RHOF: variants seen among roughly 807,000 people sequenced by gnomAD.
RHOF encodes ras homolog family member F, filopodia associated.
A neutral mutation model predicts 22.2 loss-of-function variants in RHOF; 21 were observed. The observed-to-expected ratio is 0.95, with a 90% CI of 0.67 to 1.36. The LOEUF (loss-of-function observed/expected upper bound fraction) is 1.36, where lower values mean the gene tolerates loss of function less well. RHOF is among the 40% of genes most tolerant of loss of function. RHOF has a pLI of 0.00. For synonymous variants in RHOF, 135 were observed against 131.2 expected, an observed-to-expected ratio of 1.03 and a Z score of -0.20; for missense variants, 285 against 293.7, an observed-to-expected ratio of 0.97 and a Z score of 0.22.
intron 2 of RHOF, among the ~76,000 whole-genome samples, chr12:121,787,909 A>AGGGGGG (rs60048337): frequency 5.9e-4 from 29 of 48,836 alleles, no homozygotes; most frequent in Middle Eastern, 0.013. Flanking sequence ...AAAAAAAAAA[A>AGGGGGG]GGGGGGGGGG....
At position 121,793,493 on chromosome 12, in the gene RHOF, C is replaced by G; in HGVS notation, c.138+3G>C. On this transcript the variant is annotated splice_donor_region_variant and intron_variant, in intron 1 of 4. Coordinates refer to ENST00000267205, the MANE Select transcript of RHOF (RefSeq NM_019034.3). Reference sequence around the variant, plus strand: ...CCCACCCCAGCCCCGCTGCGGGCCTCACCTCGGGGAAGGAGCCCTGGCTGT... The same window carrying G: ...CCCACCCCAGCCCCGCTGCGGGCCTGACCTCGGGGAAGGAGCCCTGGCTGT... The G allele has an allele frequency of 9.1e-6, 14 of 1,541,382 alleles. No homozygotes were observed. Among genetic ancestry groups the G allele is most frequent in the Non-Finnish European group, 1.2e-5 (14 of 1,146,674 alleles).
In RHOF at chr12:121,779,570, G is replaced by A. The variant is rs766964910; in HGVS notation, c.564C>T (p.Ala188=). The A allele has an allele frequency of 5.6e-6, 9 of 1,613,998 alleles. No individual in the cohort carries two copies. Among genetic ancestry groups the A allele is most frequent in the South Asian group, 1.1e-5 (1 of 91,096 alleles). Residue 188 remains alanine, a synonymous_variant, in exon 5 of 5, where the codon GCC becomes GCT. Coordinates refer to ENST00000267205, the MANE Select transcript of RHOF (RefSeq NM_019034.3). ...TCAGAGCGCTGAGAGCCACCTTGGCGGCCTCCCGGAAGACGTCCTCCACAT... is the reference window on the plus strand; with the variant it reads ...TCAGAGCGCTGAGAGCCACCTTGGCAGCCTCCCGGAAGACGTCCTCCACAT... ...RENVEDVFRE[A]AKVALSALKK... is the part of the protein sequence containing the mutation.
In RHOF at chr12:121,793,523, C is replaced by T. The variant is rs2137510293; in HGVS notation, c.111G>A (p.Met37Ile). The T allele has an allele frequency of 6.5e-7, 1 of 1,544,010 alleles. No homozygotes were observed. The highest frequency in any genetic ancestry group is 1.2e-5 in the South Asian group (1 of 84,074). Residue 37 changes from methionine to isoleucine, a missense_variant, in exon 1 of 5, where the codon ATG (methionine) becomes ATA (isoleucine). Met to Ile is a conservative substitution (Grantham distance 10). Transcript: ENST00000267205. ...CGGGGAAGGAGCCCTGGCTGTACACCATGAGCAGCGAGGTCTTGCCGCAGC... is the reference window on the plus strand; with the variant it reads ...CGGGGAAGGAGCCCTGGCTGTACACTATGAGCAGCGAGGTCTTGCCGCAGC... ...DGGCGKTSLL[M>I]VYSQGSFPEH...
rs868561633 is a variant in RHOF, at chr12:121,782,118, T to A, written c.227-926A>T. On this transcript the variant is annotated intron_variant, in intron 2 of 4. Coordinates refer to ENST00000267205, the MANE Select transcript of RHOF (RefSeq NM_019034.3). The stretch of plus-strand genomic sequence containing the variant: ...CCTGTTTGCATTGGCCCCTCTGACT[T>A]TATCTGGAGACAGACACTTCTGTTT... 2.6e-5 allele frequency: 4 copies of A among 152,280 alleles called. No individual in the cohort carries two copies. The Middle Eastern group carries it at 0.01, about 388-fold the overall frequency. 9.4% of individuals were successfully genotyped at this position (152,280 alleles called of 1,614,324 possible).
At position 121,792,248 on chromosome 12, in the gene RHOF, G is replaced by T. The variant is rs149198697; in HGVS notation, c.226+904C>A. ...GCTTGGCTGGCCGGAGAGGGCCACC[G>T]GATGACGTGGTTCCCTGCAGGTCAC... On this transcript the variant is annotated intron_variant, in intron 2 of 4. Coordinates refer to ENST00000267205, the MANE Select transcript of RHOF (RefSeq NM_019034.3). Among the ~76,000 whole-genome samples, 203 of 152,324 alleles carry T rather than the reference G, an allele frequency of 1.3e-3. 1 individual carries two copies. The highest frequency in any genetic ancestry group is 4.6e-3 in the African/African-American group (190 of 41,578).
At position 121,793,383 on chromosome 12, in the gene RHOF, C is replaced by T. The variant is rs1258369055; in HGVS notation, c.138+113G>A. 5 of 1,463,818 alleles carry T rather than the reference C, an allele frequency of 3.4e-6. No individual in the cohort carries two copies. In the South Asian group the frequency reaches 3.7e-5, roughly 11 times the overall value. 90.7% of individuals were successfully genotyped at this position (1,463,818 alleles called of 1,614,324 possible). On this transcript the variant is annotated intron_variant, in intron 1 of 4. Coordinates refer to ENST00000267205, the MANE Select transcript of RHOF (RefSeq NM_019034.3). ...CTCTGGAATTCCCGAGGGGGCGCCC[C>T]GGGGTGGCGGCCGCCTGTCCGTGCT...
chr12:121,788,752 C>T (rs1261063385), intron 2 of RHOF, among the ~76,000 whole-genome samples: 1 of 151,984 alleles, frequency 6.6e-6, no homozygotes, highest in Non-Finnish European at 1.5e-5. Context: ...AGGTGAAAGC[C>T]CAGGAGAAGG....
intron 2 of RHOF, among the ~76,000 whole-genome samples, chr12:121,790,074 T>A (rs568819384): frequency 1.3e-5 from 2 of 152,344 alleles, no homozygotes; most frequent in East Asian, 3.9e-4. Flanking sequence ...CCTTCCCTTC[T>A]GAGCCCTGCG....
rs371409175 is a variant in RHOF at position 121,781,074 on chromosome 12, C to T, written c.336+9G>A. On this transcript the variant is annotated intron_variant, in intron 3 of 4. Transcript: ENST00000267205. ...GATGTGGGGCCACCACCCAGGAGGC[C>T]GGCCTCACCTTGATGAGGACGTTGT... The T allele has an allele frequency of 3.0e-5, 48 of 1,613,956 alleles. No homozygotes were observed. The highest frequency in any genetic ancestry group is 2.9e-4 in the African/African-American group (22 of 74,930).
At chr12:121,792,800 CAG>C (rs1484896192) in intron 2 of RHOF, among the ~76,000 whole-genome samples, 1 of 152,248 alleles carries the variant, frequency 6.6e-6, no homozygotes, top group African/African-American at 2.4e-5. Context: ...CTGCAGCTCA[CAG>C]AGTCTGCAGA....
intron 2 of RHOF, among the ~76,000 whole-genome samples, chr12:121,785,595 T>A (rs1874587035): frequency 6.6e-6 from 1 of 150,804 alleles, no homozygotes; most frequent in South Asian, 2.1e-4. Flanking sequence ...CCTGGCTAAT[T>A]TTTTTTGTAT....
chr12:121,781,079 T>G lies in RHOF; in HGVS notation c.336+4A>C. 1 of 1,614,170 alleles carries G rather than the reference T, an allele frequency of 6.2e-7. No homozygotes were observed. Among genetic ancestry groups the G allele is most frequent in the Non-Finnish European group, 8.5e-7 (1 of 1,179,990 alleles). ...GGGGCCACCACCCAGGAGGCCGGCC[T>G]CACCTTGATGAGGACGTTGTCGTAG... is the stretch of plus-strand genomic sequence containing the variant. On this transcript the variant is annotated splice_donor_region_variant and intron_variant, in intron 3 of 4. Coordinates refer to ENST00000267205, the MANE Select transcript of RHOF (RefSeq NM_019034.3).
chr12:121,783,855 C>T (rs182781799), intron 2 of RHOF, among the ~76,000 whole-genome samples: 28 of 152,306 alleles, frequency 1.8e-4, no homozygotes, highest in African/African-American at 4.3e-4. Flanking sequence ...CCACCTGCCT[C>T]GGCCTCCCAG....
intron 2 of RHOF, chr12:121,781,518 TAAA>T (rs1874457202): frequency 3.3e-6 from 1 of 300,450 alleles, no homozygotes; most frequent in African/African-American, 2.2e-5. Flanking sequence ...TGGATGGTGG[TAAA>T]GAATCCTCAA....
chr12:121,793,107 C>T (rs1247175107), intron 2 of RHOF, 45 bp downstream of exon 2: 1 of 1,506,296 alleles, frequency 6.6e-7, no homozygotes, highest in African/African-American at 1.4e-5. Flanking sequence ...GGAAACCCTT[C>T]GGGCGGGCGG....
Position 121,793,561 on chromosome 12 carries a change from C to A in RHOF, c.73G>T (p.Val25Leu). ...PGRKELKIVI[V>L]GDGGCGKTSL... is the part of the protein sequence containing the mutation. ...GTCTTGCCGCAGCCGCCGTCGCCCA[C>A]GATCACGATCTTCAGCTCCTTCCTG... Residue 25 changes from valine to leucine, a missense_variant, in exon 1 of 5, where the codon GTG becomes TTG. Transcript: ENST00000267205. The A allele has an allele frequency of 3.2e-6, 5 of 1,551,526 alleles. No homozygotes were observed. The highest frequency in any genetic ancestry group is 4.3e-6 in the Non-Finnish European group (5 of 1,151,504).
chr12:121,792,997 C>T (rs1295671734), intron 2 of RHOF, among the ~76,000 whole-genome samples, 155 bp downstream of exon 2: 1 of 152,248 alleles, frequency 6.6e-6, no homozygotes, highest in African/African-American at 2.4e-5. Flanking sequence ...CTCTAGGGCC[C>T]CGCAGCCAGC....
Position 121,793,688 on chromosome 12 carries a change from G to C in RHOF, c.-55C>G. 7.0e-7 allele frequency: 1 copy of C among 1,431,008 alleles called. No individual in the cohort carries two copies. The allele number at this position is 1,431,008 out of a possible 1,614,324, so 88.6% of individuals were successfully genotyped here. ...GCGCCGGGCACTAGCGGAGCCAAGAGGTCGGGGGCGGGGCGGGGCCGGAAC... is the reference window on the plus strand; with the variant it reads ...GCGCCGGGCACTAGCGGAGCCAAGACGTCGGGGGCGGGGCGGGGCCGGAAC... On this transcript the variant is annotated 5_prime_UTR_variant, in exon 1 of 5. Coordinates refer to ENST00000267205, the MANE Select transcript of RHOF (RefSeq NM_019034.3).
At chr12:121,792,291 A>C (rs535125109) in intron 2 of RHOF, among the ~76,000 whole-genome samples, 1 of 152,332 alleles carries the variant, frequency 6.6e-6, no homozygotes, top group East Asian at 1.9e-4. Flanking sequence ...TGAGTCACAG[A>C]GGTGGGGTGA....
Sources: gnomAD v4.1 joint callset for allele counts (sites outside exome capture counted in the v4.1 genomes callset) on GRCh38, gnomAD v4.1.1 for gene constraint, MANE v1.5 for transcripts, NCBI Gene and HGNC (gene_info 2026-07-23, HGNC 2026-07-21) for gene names.